The following FHAD1 variants were observed in gnomAD, a reference collection of about 807,000 sequenced individuals.
FHAD1 encodes forkhead associated phosphopeptide binding domain 1.
In FHAD1, 146 loss-of-function variants were observed where a neutral mutation model predicts 191.3. The observed-to-expected ratio is 0.76, with a 90% confidence interval of 0.67 to 0.88. The LOEUF (loss-of-function observed/expected upper bound fraction) is 0.88. Among genes scored for constraint, FHAD1 ranks in the 40% least tolerant of loss-of-function variants. The probability of loss-of-function intolerance (pLI) is 0.00; values close to 1 mark genes in which losing one functional copy is unlikely to be tolerated. For missense variants in FHAD1, 1,635 were observed against 1,785.8 expected (o/e 0.92, Z 1.52); for synonymous variants, 616 against 672.3 (o/e 0.92, Z 1.29).
intron 33 of FHAD1, among the ~76,000 whole-genome samples, chr1:15,395,246 G>A (rs926477627): frequency 6.6e-6 from 1 of 151,088 alleles, no homozygotes; most frequent in African/African-American, 2.4e-5. Flanking sequence ...CCCGGGAGGC[G>A]GAGGTGAGCA....
intron 2 of FHAD1, among the ~76,000 whole-genome samples, chr1:15,269,148 T>C (rs149413617): frequency 3.1e-4 from 47 of 152,274 alleles, no homozygotes; most frequent in African/African-American, 1.0e-3. Context: ...ATTCTCTCTA[T>C]TGTCTTCAAT....
chr1:15,300,345 C>T (rs930826293), intron 5 of FHAD1, among the ~76,000 whole-genome samples: 2 of 152,092 alleles, frequency 1.3e-5, no homozygotes, highest in Non-Finnish European at 2.9e-5. Flanking sequence ...TCACCATTCC[C>T]CTCTCATTTA....
Position 15,318,500 on chromosome 1 carries a change from G to A in FHAD1, c.1365+572G>A, listed in dbSNP as rs1480558323. Among the ~76,000 whole-genome samples, 1 of 152,148 alleles carries A rather than the reference G, an allele frequency of 6.6e-6. No individual in the cohort carries two copies. On this transcript the variant is annotated intron_variant, in intron 10 of 33. Coordinates refer to ENST00000688493, the MANE Select transcript of FHAD1 (RefSeq NM_001391957.1). This position sits in a 1 kb window ranked among gnomAD's most constrained non-coding sequence, Gnocchi z 4.1. ...AATACAAAAATTAGCCAGATGTGGT[G>A]GCGGAGGCCTGTAATTCCAGCCACT...
chr1:15,239,941 A>C (rs1030786554), intron 1 of FHAD1, among the ~76,000 whole-genome samples: 18 of 152,198 alleles, frequency 1.2e-4, no homozygotes, highest in Non-Finnish European at 2.1e-4. Flanking sequence ...TCTATATCTA[A>C]TAGACATGTG....
chr1:15,380,616 G>T, intron 28 of FHAD1, 85 bp from the exon 29 acceptor site: 1 of 1,063,522 alleles, frequency 9.4e-7, no homozygotes, highest in South Asian at 1.4e-5. Flanking sequence ...GTTAATCTTC[G>T]GTAATCACAC....
Position 15,327,227 on chromosome 1 carries a change from A to C in FHAD1, c.1557+85A>C. On this transcript the variant is annotated intron_variant, in intron 12 of 33. Coordinates refer to ENST00000688493, the MANE Select transcript of FHAD1 (RefSeq NM_001391957.1). The surrounding 1 kb of genome is among the most constrained non-coding windows in gnomAD (Gnocchi z 5.1). ...TCTGGATTCCAGACCCTGGGAGCAT[A>C]TGTTTCTGTTTTTGTTGGTGGCATA... The C allele has an allele frequency of 1.1e-6, 1 of 885,396 alleles. No homozygotes were observed. The highest frequency in any genetic ancestry group is 1.6e-5 in the South Asian group (1 of 60,962). The allele number at this position is 885,396 out of a possible 1,614,324, so 54.8% of individuals were successfully genotyped here.
Position 15,301,068 on chromosome 1 carries a change from G to A in FHAD1, c.679-137G>A, listed in dbSNP as rs534640853. The A allele has an allele frequency of 4.0e-5, 27 of 667,554 alleles. 2 individuals are homozygous for A. Among genetic ancestry groups the A allele is most frequent in the South Asian group, 3.9e-4 (20 of 51,464 alleles). The allele number at this position is 667,554 out of a possible 1,614,324, so 41.4% of individuals were successfully genotyped here. A position where few individuals can be genotyped will look rare whatever the true frequency, so the allele number is the denominator to read the frequency against. On this transcript the variant is annotated intron_variant, in intron 5 of 33. Coordinates refer to ENST00000688493, the MANE Select transcript of FHAD1 (RefSeq NM_001391957.1). The stretch of plus-strand genomic sequence containing the variant: ...TGGTCTCGAACTCCTGACCTCAGGC[G>A]ATCCACCCATCTTGGCCTCCCATAG...
At chr1:15,324,820 G>A (rs1449062246) in intron 11 of FHAD1, 4 of 494,666 alleles carry the variant, frequency 8.1e-6, no homozygotes, top group Admixed American at 3.2e-5. Flanking sequence ...ATCCCGGCTC[G>A]ATGCCTGCCC....
intron 25 of FHAD1, among the ~76,000 whole-genome samples, chr1:15,369,168 C>G (rs1417332733): frequency 3.3e-5 from 5 of 152,196 alleles, no homozygotes; most frequent in African/African-American, 9.6e-5. Context: ...GTGCAGGAAC[C>G]AAGGGCAGGT....
At chr1:15,340,679 A>G (rs1263176644) in intron 15 of FHAD1, among the ~76,000 whole-genome samples, 1 of 152,152 alleles carries the variant, frequency 6.6e-6, no homozygotes, top group Non-Finnish European at 1.5e-5. Context: ...AGACATGGAT[A>G]GAGTGGGGTA....
intron 5 of FHAD1, among the ~76,000 whole-genome samples, chr1:15,297,707 T>C (rs1196787006): frequency 1.3e-5 from 2 of 152,200 alleles, no homozygotes; most frequent in Non-Finnish European, 2.9e-5. Flanking sequence ...CTCATGCAAC[T>C]GCAGTCAGCC....
intron 7 of FHAD1, among the ~76,000 whole-genome samples, chr1:15,309,660 A>AT (rs35053289): frequency 0.2 from 29,620 of 146,886 alleles, 6,138 homozygotes; most frequent in African/African-American, 0.54. Context: ...ACATTATGAG[A>AT]TTTTTTTTTT....
intron 2 of FHAD1, among the ~76,000 whole-genome samples, chr1:15,253,681 C>T (rs1647062705): frequency 6.6e-6 from 1 of 152,182 alleles, no homozygotes; most frequent in Non-Finnish European, 1.5e-5. Context: ...ATCTTGCAAC[C>T]TTAACTGAAC....
chr1:15,301,558 T>A, intron 6 of FHAD1, 117 bp downstream of exon 6: 2 of 779,440 alleles, frequency 2.6e-6, no homozygotes, highest in Non-Finnish European at 4.1e-6. Flanking sequence ...TGGAGCATGG[T>A]GGTTAAGAAC....
intron 6 of FHAD1, 27 bp from the exon 7 acceptor site, chr1:15,308,586 C>A: frequency 6.4e-7 from 1 of 1,551,240 alleles, no homozygotes; most frequent in Non-Finnish European, 8.7e-7. Context: ...GCCAGCCCCC[C>A]TCTGACTGTG....
chr1:15,315,522 G>A (rs1454608657), intron 8 of FHAD1, among the ~76,000 whole-genome samples: 1 of 125,634 alleles, frequency 8.0e-6, no homozygotes, highest in Non-Finnish European at 1.6e-5. Flanking sequence ...GTCTCACTCT[G>A]TCACTCAGGC....
intron 2 of FHAD1, among the ~76,000 whole-genome samples, chr1:15,256,490 CA>C (rs1648125444): frequency 6.6e-6 from 1 of 151,550 alleles, no homozygotes; most frequent in Non-Finnish European, 1.5e-5. Context: ...CCATCTCTAC[CA>C]AAAATACAAA....
intron 19 of FHAD1, among the ~76,000 whole-genome samples, chr1:15,352,170 T>C (rs149690525): frequency 1.3e-5 from 2 of 152,336 alleles, no homozygotes; most frequent in African/African-American, 4.8e-5. Context: ...TCTTTTGTTG[T>C]ACATATACAC....
rs1199491067 is a variant in FHAD1, at chr1:15,327,042, C to T, written c.1474-17C>T. The T allele has an allele frequency of 2.6e-6, 4 of 1,535,834 alleles. No homozygotes were observed. The South Asian group carries it at 4.8e-5, about 18-fold the overall frequency. On this transcript the variant is annotated splice_polypyrimidine_tract_variant and intron_variant, in intron 11 of 33. Coordinates refer to ENST00000688493, the MANE Select transcript of FHAD1 (RefSeq NM_001391957.1). This position sits in a 1 kb window ranked among gnomAD's most constrained non-coding sequence, Gnocchi z 5.1. ...CCCTGCTGACCCCCTGACACTGTTG[C>T]CCCCTCTCTGCTGCAGCTGGAGCAC...
Sources: allele counts gnomAD v4.1 joint callset (sites outside exome capture counted in the v4.1 genomes callset), GRCh38; gene constraint gnomAD v4.1.1; non-coding constraint Gnocchi (gnomAD v3.1); transcripts MANE v1.5; gene names NCBI Gene and HGNC (gene_info 2026-07-23, HGNC 2026-07-21).